The following EVC2 variants were observed in gnomAD, a reference collection of about 807,000 sequenced individuals.
EVC2 encodes the protein limbin.
A neutral mutation model predicts 149.3 loss-of-function variants in EVC2; 148 were observed. The ratio of observed to expected loss-of-function variants is 0.99; its 90% CI spans 0.87 to 1.14. EVC2 has a LOEUF of 1.14. Among genes scored for constraint, EVC2 ranks in the 50% most tolerant of loss-of-function variants. EVC2 has a pLI of 0.00. For missense variants in EVC2, 1,854 were observed against 1,627.3 expected (o/e 1.14, Z -2.40); for synonymous variants, 776 against 649.9 (o/e 1.19, Z -2.95).
chr4:5,586,317 T>C (rs547145873), intron 16 of EVC2, among the ~76,000 whole-genome samples: 7 of 152,176 alleles, frequency 4.6e-5, no homozygotes, highest in East Asian at 1.9e-4. Context: ...TTAGGGTTTA[T>C]AGTACACATC....
At chr4:5,703,614 G>T (rs191347246) in intron 1 of EVC2, among the ~76,000 whole-genome samples, 3 of 152,210 alleles carry the variant, frequency 2.0e-5, no homozygotes, top group Non-Finnish European at 2.9e-5. Context: ...TACTTCACTT[G>T]CATTCATTCA....
intron 16 of EVC2, among the ~76,000 whole-genome samples, chr4:5,589,139 T>G (rs545616099): frequency 2.0e-5 from 3 of 152,364 alleles, no homozygotes; most frequent in Admixed American, 1.3e-4. Flanking sequence ...ATTATTGAGC[T>G]TTGTTCTGAG....
At chr4:5,682,359 G>A (rs1301596275) in intron 6 of EVC2, among the ~76,000 whole-genome samples, 2 of 151,556 alleles carry the variant, frequency 1.3e-5, no homozygotes, top group African/African-American at 4.9e-5. Context: ...GTGTGGTGGC[G>A]GGCACCTGTA....
At chr4:5,575,482 A>C (rs1311744804) in intron 18 of EVC2, among the ~76,000 whole-genome samples, 1 of 152,258 alleles carries the variant, frequency 6.6e-6, no homozygotes, top group Non-Finnish European at 1.5e-5. Context: ...TGATGCATTT[A>C]CACAGAAGAG....
chr4:5,627,834 G>A (rs2108846063), intron 12 of EVC2, among the ~76,000 whole-genome samples: 1 of 152,204 alleles, frequency 6.6e-6, no homozygotes, highest in African/African-American at 2.4e-5. Context: ...CCGGCAGTGT[G>A]CTAGATCTTA....
At position 5,576,259 on chromosome 4, in the gene EVC2, G is replaced by A. The variant is rs112554914; in HGVS notation, c.3253C>T (p.Leu1085=). The A allele has an allele frequency of 0.07, 112,803 of 1,614,150 alleles. 4,506 individuals carry two copies. Among genetic ancestry groups the A allele is most frequent in the Non-Finnish European group, 0.079 (93,073 of 1,180,024 alleles). The change falls in exon 18 of 22, where the codon CTG becomes TTG. Residue 1085 remains leucine (L), a synonymous_variant. Coordinates refer to ENST00000344408, the MANE Select transcript of EVC2 (RefSeq NM_147127.5). This position sits in a 1 kb window ranked among gnomAD's most constrained non-coding sequence, Gnocchi z 4.5. ...HQALSKSQTL[L]EQHQQCLREE... ...GCATACCACTGCTGATGTTGCTCCA[G>A]TAATGTCTGGCTCTTGCTCAGGGCT...
At chr4:5,701,368 C>G (rs756505746) in intron 1 of EVC2, among the ~76,000 whole-genome samples, 3 of 152,142 alleles carry the variant, frequency 2.0e-5, no homozygotes, top group Non-Finnish European at 4.4e-5. Context: ...CTGACATATC[C>G]ACAGGTTCCA....
At position 5,686,344 on chromosome 4, in the gene EVC2, C is replaced by T. The variant is rs537894018; in HGVS notation, c.707-865G>A. ...AGTAGCTGGGACTTTAGGTGTGGAC[C>T]ATGCTCATCTCATTTTATTTTTATA... On this transcript the variant is annotated intron_variant, in intron 5 of 21. Transcript: ENST00000344408. This position sits in a 1 kb window ranked among gnomAD's most constrained non-coding sequence, Gnocchi z 5.4. Among the ~76,000 whole-genome samples, 10 of 152,212 alleles carry T rather than the reference C, an allele frequency of 6.6e-5. No individual in the cohort carries two copies. Among genetic ancestry groups the T allele is most frequent in the African/African-American group, 2.4e-4 (10 of 41,542 alleles).
chr4:5,551,390 G>A (rs1027071942), intron 21 of EVC2, among the ~76,000 whole-genome samples: 6 of 152,238 alleles, frequency 3.9e-5, no homozygotes, highest in African/African-American at 1.4e-4. Flanking sequence ...GGAGCTGTAA[G>A]ATTTGACTGC....
At chr4:5,571,269 G>T (rs1379124415) in intron 19 of EVC2, among the ~76,000 whole-genome samples, 2 of 131,066 alleles carry the variant, frequency 1.5e-5, no homozygotes, top group African/African-American at 2.9e-5. Flanking sequence ...AGTGAGCCAA[G>T]ATCGCGCCAC....
intron 7 of EVC2, among the ~76,000 whole-genome samples, chr4:5,680,192 G>A (rs944870471): frequency 7.9e-5 from 12 of 152,078 alleles, no homozygotes; most frequent in Non-Finnish European, 1.8e-4. Flanking sequence ...AGCTTATTTC[G>A]GATTTGATCA....
At chr4:5,598,305 C>G (rs1358406604) in intron 16 of EVC2, among the ~76,000 whole-genome samples, 2 of 151,666 alleles carry the variant, frequency 1.3e-5, no homozygotes, top group African/African-American at 4.8e-5. Context: ...ATCATGCTAC[C>G]TGACTTCAAA....
At chr4:5,596,031 T>C (rs1289859079) in intron 16 of EVC2, among the ~76,000 whole-genome samples, 2 of 152,202 alleles carry the variant, frequency 1.3e-5, no homozygotes, top group Non-Finnish European at 1.5e-5. Flanking sequence ...ATCCTAAATA[T>C]ATATGCACCC....
At chr4:5,639,962 G>A (rs1272040684) in intron 10 of EVC2, among the ~76,000 whole-genome samples, 2 of 152,196 alleles carry the variant, frequency 1.3e-5, no homozygotes, top group Non-Finnish European at 2.9e-5. Flanking sequence ...CAGTGCCTGA[G>A]AGACAGTAAG....
intron 16 of EVC2, among the ~76,000 whole-genome samples, chr4:5,595,686 T>C (rs1199519295): frequency 1.3e-5 from 2 of 152,108 alleles, no homozygotes; most frequent in East Asian, 1.9e-4. Context: ...CCAGCTAACA[T>C]CATCATGACA....
At chr4:5,666,229 T>A (rs917458286) in intron 7 of EVC2, among the ~76,000 whole-genome samples, 5 of 143,970 alleles carry the variant, frequency 3.5e-5, no homozygotes, top group Non-Finnish European at 6.2e-5. Context: ...TTATAGCATA[T>A]ATATTTTGTT....
At chr4:5,608,109 C>G (rs2108818780) in intron 16 of EVC2, among the ~76,000 whole-genome samples, 1 of 152,266 alleles carries the variant, frequency 6.6e-6, no homozygotes, top group South Asian at 2.1e-4. Context: ...TTTCCCAATG[C>G]CTCCTGGCCT....
chr4:5,697,152 C>A (rs7673970), intron 2 of EVC2, among the ~76,000 whole-genome samples: 1 of 152,180 alleles, frequency 6.6e-6, no homozygotes, highest in African/African-American at 2.4e-5. Flanking sequence ...GAATTGGTTT[C>A]GCTTCTGGAA....
chr4:5,654,816 T>C (rs533174794), intron 9 of EVC2, among the ~76,000 whole-genome samples: 24 of 152,222 alleles, frequency 1.6e-4, no homozygotes, highest in African/African-American at 5.5e-4. Context: ...GAACAAGCAG[T>C]TGGGAACAGA....
Sources: gnomAD v4.1 joint callset for allele counts (sites outside exome capture counted in the v4.1 genomes callset) on GRCh38, gnomAD v4.1.1 for gene constraint, Gnocchi (gnomAD v3.1) non-coding constraint, MANE v1.5 for transcripts, NCBI Gene and HGNC (gene_info 2026-07-23, HGNC 2026-07-21) for gene names.